Variants in TUBA1C observed in about 807,000 individuals in gnomAD.
TUBA1C encodes tubulin alpha-1C chain.
Under a neutral mutation model 34.9 loss-of-function variants are expected in TUBA1C, and 16 were observed. The ratio of observed to expected loss-of-function variants is 0.46; its 90% CI spans 0.31 to 0.70. The LOEUF (loss-of-function observed/expected upper bound fraction) is 0.70, where lower values mean the gene tolerates loss of function less well. Ranked by LOEUF, TUBA1C falls within the 30% of genes least tolerant of loss-of-function variation. TUBA1C has a pLI of 0.05. For missense variants in TUBA1C, 329 were observed against 587.3 expected, an observed-to-expected ratio of 0.56 and a Z score of 4.55; for synonymous variants, 177 against 215.9, an observed-to-expected ratio of 0.82 and a Z score of 1.58.
chr12:49,269,812 C>G lies in TUBA1C; in HGVS notation c.227-16C>G, dbSNP rs769948837. On this transcript the variant is annotated splice_polypyrimidine_tract_variant and intron_variant, in intron 2 of 3. Transcript: ENST00000301072. The stretch of plus-strand genomic sequence containing the variant: ...GCTCCTTGTCCCTCCTCCTCCTCCC[C>G]CATCATGTTCTCCAGATGAAGTTCG... 7.6e-5 allele frequency: 123 copies of G among 1,613,784 alleles called. 2 individuals are homozygous for G. In the South Asian group the frequency reaches 1.3e-3, roughly 17 times the overall value.
At chr12:49,229,844 A>G (rs1030388754) in intron 1 of TUBA1C, among the ~76,000 whole-genome samples, 1 of 151,900 alleles carries the variant, frequency 6.6e-6, no homozygotes, top group African/African-American at 2.4e-5. Flanking sequence ...CCAGGCTGCA[A>G]TGGCACAGTA....
chr12:49,273,200 C>A lies in TUBA1C; in HGVS notation c.1323C>A (p.Asp441Glu). 6.2e-7 allele frequency: 1 copy of A among 1,614,180 alleles called. No individual in the cohort carries two copies. The highest frequency in any genetic ancestry group is 8.5e-7 in the Non-Finnish European group (1 of 1,180,038). Reference sequence around the variant, plus strand: ...AGGAGGTTGGAGCAGATAGTGCTGACGGAGAGGATGAGGGTGAAGAGTATT... The same window carrying A: ...AGGAGGTTGGAGCAGATAGTGCTGAAGGAGAGGATGAGGGTGAAGAGTATT... The part of the protein sequence containing the change: ...DYEEVGADSA[D>E]GEDEGEEY The change falls in exon 4 of 4, where the codon GAC (aspartate) becomes GAA (glutamate). Residue 441 changes from aspartate (D) to glutamate (E), a missense_variant. This residue lies in a region of TUBA1C where 34 missense variants were observed against 31.8 expected (regional missense o/e 1.07). Coordinates refer to ENST00000301072, the MANE Select transcript of TUBA1C (RefSeq NM_032704.5).
At chr12:49,251,966 G>A (rs373034088) in intron 1 of TUBA1C, among the ~76,000 whole-genome samples, 23 of 151,966 alleles carry the variant, frequency 1.5e-4, no homozygotes, top group East Asian at 1.3e-3. Flanking sequence ...AAAACTCAAC[G>A]AACTAGGAAT....
At chr12:49,254,252 G>A (rs879938339) in intron 1 of TUBA1C, among the ~76,000 whole-genome samples, 12 of 151,880 alleles carry the variant, frequency 7.9e-5, no homozygotes, top group Middle Eastern at 3.4e-3. Context: ...TGGAGGTTGC[G>A]GTGAGCCAAG....
intron 1 of TUBA1C, among the ~76,000 whole-genome samples, chr12:49,236,371 C>T (rs1285884643): frequency 1.3e-5 from 2 of 152,098 alleles, no homozygotes; most frequent in Admixed American, 6.6e-5. Flanking sequence ...CCCACCCACC[C>T]GGAAAAATAT....
upstream of TUBA1C, among the ~76,000 whole-genome samples, chr12:49,263,713 T>C (rs1363559505): frequency 6.6e-6 from 1 of 152,080 alleles, no homozygotes; most frequent in South Asian, 2.1e-4. Context: ...TAAGATAACA[T>C]GATAGAGTTG....
rs535534854 is a variant in TUBA1C at position 49,270,127 on chromosome 12, AGAT to A, written c.375+155_375+157del. On this transcript the variant is annotated intron_variant, in intron 3 of 3. Transcript: ENST00000301072. The stretch of plus-strand genomic sequence containing the variant: ...ACTAAATTAATTGGATTTCTGAACC[AGAT>A]GATCTTGGATTTATGGGACAACTAT... 516 of 1,492,904 alleles carry A rather than the reference AGAT, an allele frequency of 3.5e-4. 3 individuals carry two copies. The South Asian group carries it at 3.6e-3, about 10-fold the overall frequency. The allele number at this position is 1,492,904 out of a possible 1,614,324, so 92.5% of individuals were successfully genotyped here.
At chr12:49,240,833 C>A (rs568689869) in intron 1 of TUBA1C, among the ~76,000 whole-genome samples, 2 of 152,136 alleles carry the variant, frequency 1.3e-5, no homozygotes, top group Non-Finnish European at 2.9e-5. Flanking sequence ...TGGGTTCAAG[C>A]GGTTCTCCCA....
chr12:49,248,169 G>A (rs1489642196), intron 1 of TUBA1C, among the ~76,000 whole-genome samples: 2 of 152,144 alleles, frequency 1.3e-5, no homozygotes, highest in African/African-American at 4.8e-5. Flanking sequence ...CAGCTACCCA[G>A]GAGGCTGAGG....
At chr12:49,249,351 C>T (rs1018983727) in intron 1 of TUBA1C, among the ~76,000 whole-genome samples, 9 of 151,898 alleles carry the variant, frequency 5.9e-5, no homozygotes, top group East Asian at 1.9e-4. Context: ...CACTTGAACC[C>T]GGGAGGCGGA....
At chr12:49,266,334 G>A (rs1942912106) in intron 1 of TUBA1C, among the ~76,000 whole-genome samples, 1 of 151,644 alleles carries the variant, frequency 6.6e-6, no homozygotes, top group Non-Finnish European at 1.5e-5. Flanking sequence ...GGAGGCTGAG[G>A]CAGGAGAATG....
intron 1 of TUBA1C, among the ~76,000 whole-genome samples, chr12:49,238,629 G>T (rs531064761): frequency 4.6e-5 from 7 of 151,974 alleles, no homozygotes; most frequent in African/African-American, 1.7e-4. Context: ...TTTGTTTACC[G>T]GTTTATTACA....
chr12:49,271,072 A>C (rs11168958), intron 3 of TUBA1C, among the ~76,000 whole-genome samples: 2,290 of 152,318 alleles, frequency 0.015, 53 homozygotes, highest in African/African-American at 0.052. Flanking sequence ...TAAACCTAGT[A>C]GCTATTTAGG....
intron 3 of TUBA1C, among the ~76,000 whole-genome samples, chr12:49,271,509 A>G (rs1353471945): frequency 6.6e-6 from 1 of 152,194 alleles, no homozygotes; most frequent in Non-Finnish European, 1.5e-5. Flanking sequence ...GCCAAGCACT[A>G]TGCTGAGTAC....
intron 3 of TUBA1C, among the ~76,000 whole-genome samples, chr12:49,271,389 C>T (rs1368713754): frequency 2.0e-5 from 3 of 152,184 alleles, no homozygotes; most frequent in Non-Finnish European, 2.9e-5. Context: ...AAATCCCCAA[C>T]AACCTGAGGT....
intron 1 of TUBA1C, 84 bp downstream of exon 1, chr12:49,265,268 C>T: frequency 1.6e-6 from 2 of 1,240,362 alleles, no homozygotes; most frequent in Admixed American, 4.0e-5. Flanking sequence ...CACCTCGGGC[C>T]GCGCCCAGGA....
intron 1 of TUBA1C, among the ~76,000 whole-genome samples, chr12:49,235,243 T>C (rs1347076673): frequency 6.8e-6 from 1 of 147,228 alleles, no homozygotes; most frequent in Non-Finnish European, 1.5e-5. Context: ...AGGTTGAAAA[T>C]TAGAATGCTT....
At chr12:49,270,170 T>C in intron 3 of TUBA1C, 194 bp downstream of exon 3, 5 of 1,194,212 alleles carry the variant, frequency 4.2e-6, no homozygotes, top group Non-Finnish European at 6.0e-6. Context: ...TAGAAGTAAG[T>C]GCTCTTTAGC....
At chr12:49,254,086 C>T (rs1319624240) in intron 1 of TUBA1C, among the ~76,000 whole-genome samples, 4 of 151,828 alleles carry the variant, frequency 2.6e-5, no homozygotes, top group South Asian at 2.1e-4. Flanking sequence ...CCGAGGCAGG[C>T]GGATCACCTG....
Sources: allele counts gnomAD v4.1 joint callset (sites outside exome capture counted in the v4.1 genomes callset), GRCh38; gene constraint gnomAD v4.1.1; regional missense constraint gnomAD v4.1.1; transcripts MANE v1.5; gene names NCBI Gene and HGNC (gene_info 2026-07-23, HGNC 2026-07-21).